EXOC6B: variants seen among roughly 807,000 people sequenced by gnomAD.
The protein encoded by EXOC6B is exocyst complex component 6B, also known as SEC15 homolog B.
A neutral mutation model predicts 113.5 loss-of-function variants in EXOC6B; 54 were observed. The ratio of observed to expected loss-of-function variants is 0.48; its 90% CI spans 0.38 to 0.60. The LOEUF (loss-of-function observed/expected upper bound fraction) is 0.60. Ranked by LOEUF, EXOC6B falls within the 20% of genes least tolerant of loss-of-function variation. The pLI is 0.00. For missense variants in EXOC6B, 797 were observed against 977.5 expected (o/e 0.82, Z 2.46); for synonymous variants, 357 against 339.0 (o/e 1.05, Z -0.58).
At chr2:72,407,343 G>A (rs1228096869) in intron 18 of EXOC6B, among the ~76,000 whole-genome samples, 2 of 152,138 alleles carry the variant, frequency 1.3e-5, no homozygotes, top group Non-Finnish European at 2.9e-5. Flanking sequence ...GAAAAAGAGG[G>A]AATCCTCCCT....
chr2:72,492,867 T>C (rs989127410), intron 15 of EXOC6B, among the ~76,000 whole-genome samples: 1 of 152,162 alleles, frequency 6.6e-6, no homozygotes, highest in African/African-American at 2.4e-5. Flanking sequence ...TTTTGTTTGT[T>C]TCTTGTTGTT....
At position 72,783,318 on chromosome 2, in the gene EXOC6B, C is replaced by CTT. The variant is rs70963146; in HGVS notation, c.114-41851_114-41850dup. ...CCTGTTGGTCACTTCTTTTTCTTTT[C>CTT]TTTTTTTTTTTTTTTTTTTTTTTTG... is the stretch of plus-strand genomic sequence containing the variant. On this transcript the variant is annotated intron_variant, in intron 1 of 21. Transcript: ENST00000272427. 3.4e-3 allele frequency among the ~76,000 whole-genome samples: 207 copies of CTT among 60,386 alleles called. 1 individual carries two copies. Among genetic ancestry groups the CTT allele is most frequent in the African/African-American group, 5.2e-3 (76 of 14,638 alleles). 39.6% of individuals were successfully genotyped at this position (60,386 alleles called of 152,430 possible).
intron 18 of EXOC6B, among the ~76,000 whole-genome samples, chr2:72,422,839 G>A (rs1239023797): frequency 6.6e-6 from 1 of 152,110 alleles, no homozygotes; most frequent in East Asian, 1.9e-4. Flanking sequence ...AGGACATGGA[G>A]AACCTTTGTA....
intron 5 of EXOC6B, among the ~76,000 whole-genome samples, chr2:72,723,742 A>T (rs1209912087): frequency 1.7e-5 from 2 of 120,360 alleles, no homozygotes; most frequent in Admixed American, 7.9e-5. Flanking sequence ...TTTATAGCTT[A>T]AAAAAAAAAA....
At chr2:72,461,538 A>C (rs1187929388) in intron 18 of EXOC6B, 4 of 151,994 alleles carry the variant, frequency 2.6e-5, no homozygotes, top group Non-Finnish European at 5.9e-5. Flanking sequence ...AATTTAATGA[A>C]TATCACATTA....
chr2:72,390,585 G>C (rs756946573), intron 18 of EXOC6B, among the ~76,000 whole-genome samples: 1 of 152,186 alleles, frequency 6.6e-6, no homozygotes, highest in Non-Finnish European at 1.5e-5. Context: ...TCCCGGATCA[G>C]TGTGAAATTT....
Position 72,410,952 on chromosome 2 carries a change from T to C in EXOC6B, c.1981-31082A>G, listed in dbSNP as rs184644728. 6.6e-5 allele frequency among the ~76,000 whole-genome samples: 10 copies of C among 152,308 alleles called. No homozygotes were observed. In the East Asian group the frequency reaches 1.9e-3, roughly 29 times the overall value. On this transcript the variant is annotated intron_variant, in intron 18 of 21. Transcript: ENST00000272427. ...GGTGAGGCACAGTGACTCATTCCTA[T>C]AGCCCCAGTACTTTGGGAGGCCAAG...
At chr2:72,572,992 G>A (rs1287739221) in intron 7 of EXOC6B, among the ~76,000 whole-genome samples, 1 of 152,102 alleles carries the variant, frequency 6.6e-6, no homozygotes, top group Non-Finnish European at 1.5e-5. Context: ...TAACTTCCAA[G>A]TACATTCTTA....
chr2:72,496,034 T>A (rs188482514), intron 14 of EXOC6B, among the ~76,000 whole-genome samples: 162 of 152,262 alleles, frequency 1.1e-3, no homozygotes, highest in African/African-American at 3.8e-3. Flanking sequence ...GGTATCAACA[T>A]TGTGGTAATG....
intron 20 of EXOC6B, among the ~76,000 whole-genome samples, chr2:72,320,584 C>A (rs114827908): frequency 0.015 from 2,247 of 152,246 alleles, 61 homozygotes; most frequent in African/African-American, 0.05. Flanking sequence ...CAAAACATAT[C>A]ATCATAGACC....
rs552021250 is a variant in EXOC6B, at chr2:72,282,798, G to T, written c.2196+52149C>A. Among the ~76,000 whole-genome samples, 59 of 151,992 alleles carry T rather than the reference G, an allele frequency of 3.9e-4. 1 individual carries two copies. Among genetic ancestry groups the T allele is most frequent in the Admixed American group, 3.8e-3 (58 of 15,254 alleles). On this transcript the variant is annotated intron_variant, in intron 20 of 21. Coordinates refer to ENST00000272427, the MANE Select transcript of EXOC6B (RefSeq NM_015189.3). The stretch of plus-strand genomic sequence containing the variant: ...TAACATCAGACAAAGTAGACCCTTG[G>T]GCAAGAAGCATTAAAAAAGGAATAT...
chr2:72,789,763 G>T (rs1156769105), intron 1 of EXOC6B, among the ~76,000 whole-genome samples: 1 of 152,026 alleles, frequency 6.6e-6, no homozygotes, highest in Non-Finnish European at 1.5e-5. Flanking sequence ...AGTAAATATA[G>T]GAAAATGTCA....
At position 72,305,411 on chromosome 2, in the gene EXOC6B, A is replaced by G. The variant is rs1048460270; in HGVS notation, c.2196+29536T>C. Among the ~76,000 whole-genome samples the G allele has an allele frequency of 4.0e-5, 6 of 150,478 alleles. No homozygotes were observed. In the Admixed American group the frequency reaches 4.0e-4, roughly 10 times the overall value. ...ATGAGATTTTGGTCCTCACCAAATC[A>G]TATTCTTATCTAGTTGTCCCTTGTA... On this transcript the variant is annotated intron_variant, in intron 20 of 21. Transcript: ENST00000272427.
intron 1 of EXOC6B, among the ~76,000 whole-genome samples, chr2:72,779,634 C>T (rs1683911261): frequency 6.6e-6 from 1 of 152,134 alleles, no homozygotes; most frequent in Non-Finnish European, 1.5e-5. Flanking sequence ...AGACCACACA[C>T]TCCACACCCC....
At chr2:72,617,425 ACC>A in intron 6 of EXOC6B, among the ~76,000 whole-genome samples, 1 of 148,008 alleles carries the variant, frequency 6.8e-6, no homozygotes, top group East Asian at 2.0e-4. Context: ...TGAGGGACCC[ACC>A]CCTGCAGCAA....
chr2:72,298,406 T>C (rs1686285917), intron 20 of EXOC6B, among the ~76,000 whole-genome samples: 2 of 152,198 alleles, frequency 1.3e-5, no homozygotes, highest in Admixed American at 6.5e-5. Flanking sequence ...ATCTCCTGAA[T>C]ACAGCACACT....
rs191108589 is a variant in EXOC6B, at chr2:72,585,032, C to A, written c.670-9364G>T. ...GCAGTGTTAAGAGGAAAGTTTATAG[C>A]CCTAAACATCTACCTAAAAAAGTTA... On this transcript the variant is annotated intron_variant, in intron 6 of 21. Transcript: ENST00000272427. Among the ~76,000 whole-genome samples the A allele has an allele frequency of 2.0e-5, 3 of 152,096 alleles. No homozygotes were observed. The East Asian group carries it at 5.8e-4, about 29-fold the overall frequency.
At chr2:72,280,686 C>T (rs1280746576) in intron 20 of EXOC6B, among the ~76,000 whole-genome samples, 1 of 152,016 alleles carries the variant, frequency 6.6e-6, no homozygotes, top group Non-Finnish European at 1.5e-5. Flanking sequence ...AATAAAAAGG[C>T]TGCTTGGAAG....
chr2:72,543,841 A>T (rs993080738), intron 8 of EXOC6B, among the ~76,000 whole-genome samples: 2 of 152,200 alleles, frequency 1.3e-5, no homozygotes, highest in Non-Finnish European at 2.9e-5. Flanking sequence ...GGAGGCAGTA[A>T]GATATGGCAG....
Sources: allele counts gnomAD v4.1 joint callset (sites outside exome capture counted in the v4.1 genomes callset), GRCh38; gene constraint gnomAD v4.1.1; transcripts MANE v1.5; gene names NCBI Gene and HGNC (gene_info 2026-07-23, HGNC 2026-07-21).